HTR4: variants seen among roughly 807,000 people sequenced by gnomAD.
HTR4 encodes 5-hydroxytryptamine receptor 4, also known as 5-hydroxytryptamine (serotonin) receptor 4, G protein-coupled.
In HTR4, 16 loss-of-function variants were observed where a neutral mutation model predicts 36.8. That is an observed-to-expected ratio of 0.43 (90% confidence interval 0.29 to 0.66). The LOEUF (loss-of-function observed/expected upper bound fraction) is 0.66, where lower values mean the gene tolerates loss of function less well. Among genes scored for constraint, HTR4 ranks in the 30% least tolerant of loss-of-function variants. The pLI is 0.13. For synonymous variants in HTR4, 189 were observed against 185.1 expected (o/e 1.02, Z -0.17); for missense variants, 438 against 490.9 (o/e 0.89, Z 1.02).
intron 2 of HTR4, chr5:148,630,302 A>C (rs1753278278): frequency 6.6e-6 from 1 of 152,224 alleles, no homozygotes; most frequent in African/African-American, 2.4e-5. Flanking sequence ...CATATAAAGG[A>C]GAGCTGGCTG....
At chr5:148,608,923 A>G (rs538123011) in intron 2 of HTR4, among the ~76,000 whole-genome samples, 2 of 152,194 alleles carry the variant, frequency 1.3e-5, no homozygotes, top group South Asian at 4.2e-4. Context: ...TCGGCCATCA[A>G]CTCCCAGATG....
At chr5:148,587,844 G>C (rs1436479429) in intron 2 of HTR4, among the ~76,000 whole-genome samples, 1 of 152,110 alleles carries the variant, frequency 6.6e-6, no homozygotes, top group African/African-American at 2.4e-5. Flanking sequence ...CCTGGCTCTA[G>C]GGGAAAGTCC....
chr5:148,565,032 C>A (rs1458680179), intron 2 of HTR4, among the ~76,000 whole-genome samples: 1 of 150,970 alleles, frequency 6.6e-6, no homozygotes, highest in Admixed American at 6.6e-5. Context: ...ATCACTTGAA[C>A]CCAGGAGGCA....
At position 148,652,866 on chromosome 5, in the gene HTR4, AC is replaced by A. The variant is rs372558572; in HGVS notation, c.-48+1195del. On this transcript the variant is annotated intron_variant, in intron 1 of 6. Coordinates refer to ENST00000377888, the MANE Select transcript of HTR4 (RefSeq NM_000870.7). ...AGAAATGACTTGCTAATGCTGCAAAACCTGTTTACTTTTTACTAATTTTTTT... is the reference window on the plus strand; with the variant it reads ...AGAAATGACTTGCTAATGCTGCAAAACTGTTTACTTTTTACTAATTTTTTT... Among the ~76,000 whole-genome samples, 869 of 152,076 alleles carry A rather than the reference AC, an allele frequency of 5.7e-3. 14 individuals are homozygous for A. Among genetic ancestry groups the A allele is most frequent in the African/African-American group, 0.02 (825 of 41,462 alleles).
At chr5:148,601,173 TTAAAAAAAATAAAGA>T (rs1378043550) in intron 2 of HTR4, among the ~76,000 whole-genome samples, 1 of 151,730 alleles carries the variant, frequency 6.6e-6, no homozygotes. Context: ...ATTGCTATTA[TTAAAAAAAATAAAGA>T]TAAGTATTAG....
chr5:148,635,030 TATTA>T (rs369771257), intron 2 of HTR4, among the ~76,000 whole-genome samples: 7 of 152,176 alleles, frequency 4.6e-5, no homozygotes, highest in African/African-American at 1.2e-4. Flanking sequence ...AACATTCCCT[TATTA>T]ATTAATATAA....
At chr5:148,592,638 T>C (rs1429640637) in intron 2 of HTR4, among the ~76,000 whole-genome samples, 1 of 152,114 alleles carries the variant, frequency 6.6e-6, no homozygotes, top group Non-Finnish European at 1.5e-5. Flanking sequence ...TTAGGACTCA[T>C]TGTTATTATT....
At chr5:148,465,238 T>G (rs866839876) in intron 5 of HTR4, among the ~76,000 whole-genome samples, 1 of 151,886 alleles carries the variant, frequency 6.6e-6, no homozygotes, top group African/African-American at 2.4e-5. Context: ...GGACTCAGGG[T>G]GATAATAATG....
intron 4 of HTR4, among the ~76,000 whole-genome samples, chr5:148,540,447 T>TAA (rs1421331471): frequency 9.2e-6 from 1 of 108,958 alleles, no homozygotes; most frequent in Non-Finnish European, 1.9e-5. Context: ...TATATATATA[T>TAA]AATCTTATAT....
At chr5:148,461,334 G>A (rs914378918) in intron 5 of HTR4, among the ~76,000 whole-genome samples, 5 of 151,796 alleles carry the variant, frequency 3.3e-5, no homozygotes, top group East Asian at 1.9e-4. Flanking sequence ...TGTCAAAATC[G>A]ATCAGAAGTA....
chr5:148,648,709 G>A (rs189380078), intron 1 of HTR4, among the ~76,000 whole-genome samples: 64 of 151,816 alleles, frequency 4.2e-4, no homozygotes, highest in Admixed American at 4.2e-3. Flanking sequence ...CAACCACAAG[G>A]ATGAGCCCGT....
chr5:148,643,202 T>C (rs1347869119), intron 1 of HTR4, among the ~76,000 whole-genome samples: 1 of 152,212 alleles, frequency 6.6e-6, no homozygotes, highest in Non-Finnish European at 1.5e-5. Flanking sequence ...AATACACTTT[T>C]CTCAGCTGGG....
In HTR4 at chr5:148,625,704, C is replaced by T. The variant is rs571300996; in HGVS notation, c.26+11285G>A. Among the ~76,000 whole-genome samples the T allele has an allele frequency of 1.0e-3, 158 of 152,176 alleles. 2 individuals are homozygous for T. Among genetic ancestry groups the T allele is most frequent in the Admixed American group, 2.0e-3 (31 of 15,296 alleles). Reference sequence around the variant, plus strand: ...CAAGCGATTCGCCTGCCCCAGCCTCCTGAGTAGCTGGGACCACAGGTGCAC... The same window carrying T: ...CAAGCGATTCGCCTGCCCCAGCCTCTTGAGTAGCTGGGACCACAGGTGCAC... On this transcript the variant is annotated intron_variant, in intron 2 of 6. Coordinates refer to ENST00000377888, the MANE Select transcript of HTR4 (RefSeq NM_000870.7).
At chr5:148,457,444 T>C (rs953886241) in intron 5 of HTR4, among the ~76,000 whole-genome samples, 1 of 151,758 alleles carries the variant, frequency 6.6e-6, no homozygotes, top group African/African-American at 2.4e-5. Context: ...AGCATCGCAC[T>C]TAGAGCAGCC....
chr5:148,549,131 T>C (rs1459507177), intron 3 of HTR4, among the ~76,000 whole-genome samples: 1 of 152,166 alleles, frequency 6.6e-6, no homozygotes, highest in African/African-American at 2.4e-5. Context: ...AACCTCTTTT[T>C]TCCTCCCCCT....
At chr5:148,561,640 A>G (rs1156948057) in intron 2 of HTR4, among the ~76,000 whole-genome samples, 1 of 146,974 alleles carries the variant, frequency 6.8e-6, no homozygotes, top group Non-Finnish European at 1.5e-5. Context: ...TTTTTTTTTT[A>G]CACACACTTG....
chr5:148,451,902 G>A (rs189831924), intron 5 of HTR4, among the ~76,000 whole-genome samples: 4 of 152,248 alleles, frequency 2.6e-5, no homozygotes, highest in African/African-American at 9.6e-5. Flanking sequence ...CATCTCAATT[G>A]CAGGCGAGTC....
In HTR4 at chr5:148,483,090, G is replaced by A. The variant is rs895017340; in HGVS notation, c.*113C>T. The A allele has an allele frequency of 4.6e-6, 7 of 1,526,462 alleles. No homozygotes were observed. Among genetic ancestry groups the A allele is most frequent in the African/African-American group, 1.4e-5 (1 of 72,632 alleles). 94.6% of individuals were successfully genotyped at this position (1,526,462 alleles called of 1,614,324 possible). A position where few individuals can be genotyped will look rare whatever the true frequency, so the allele number is the denominator to read the frequency against. ...CGAGCACCGGGTTCCTGCACTGGCG[G>A]ACGGAAAGCCTCAGGTGAAGAGAAT... On this transcript the variant is annotated 3_prime_UTR_variant, in exon 7 of 7. Transcript: ENST00000377888.
downstream of HTR4, among the ~76,000 whole-genome samples, chr5:148,473,039 C>T (rs531631332): frequency 4.6e-5 from 7 of 152,040 alleles, no homozygotes; most frequent in Non-Finnish European, 1.0e-4. Flanking sequence ...GTGGCTTGTG[C>T]CTGTTATCCT....
Sources: gnomAD v4.1 joint callset for allele counts (sites outside exome capture counted in the v4.1 genomes callset) on GRCh38, gnomAD v4.1.1 for gene constraint, MANE v1.5 for transcripts, NCBI Gene and HGNC (gene_info 2026-07-23, HGNC 2026-07-21) for gene names.